ADAM10: variants seen among roughly 807,000 people sequenced by gnomAD.
ADAM10 encodes the protein ADAM metallopeptidase domain 10, also known as disintegrin and metalloproteinase domain-containing protein 10.
ADAM10 carries 17 observed loss-of-function variants against 90.1 expected under a neutral mutation model. The observed-to-expected ratio is 0.19, with a 90% confidence interval of 0.13 to 0.28. The LOEUF (loss-of-function observed/expected upper bound fraction) is 0.28. Ranked by LOEUF, ADAM10 falls within the 10% of genes least tolerant of loss-of-function variation. ADAM10 has a pLI of 1.00. For missense variants in ADAM10, 610 were observed against 914.3 expected (o/e 0.67, Z 4.29); for synonymous variants, 310 against 298.6 (o/e 1.04, Z -0.40).
At chr15:58,670,899 GA>G (rs1340767154) in intron 4 of ADAM10, among the ~76,000 whole-genome samples, 2 of 152,080 alleles carry the variant, frequency 1.3e-5, no homozygotes, top group Non-Finnish European at 2.9e-5. Context: ...ACTTTTAGAA[GA>G]GATAAGAGAT....
chr15:58,660,470 G>C (rs1477268723), intron 5 of ADAM10, among the ~76,000 whole-genome samples: 1 of 150,864 alleles, frequency 6.6e-6, no homozygotes, highest in Non-Finnish European at 1.5e-5. Context: ...AACGTGCTTA[G>C]TCCATTTATA....
intron 14 of ADAM10, among the ~76,000 whole-genome samples, chr15:58,605,073 G>A (rs1295712127): frequency 2.0e-5 from 3 of 152,184 alleles, no homozygotes; most frequent in East Asian, 1.9e-4. Context: ...ACGAGTACAC[G>A]CTATGGCAGT....
intron 2 of ADAM10, among the ~76,000 whole-genome samples, chr15:58,701,033 A>AAC (rs2140789910): frequency 6.6e-6 from 1 of 151,542 alleles, no homozygotes; most frequent in Admixed American, 6.6e-5. Flanking sequence ...AAAAAAAAAA[A>AAC]AACAGGGCAG....
At chr15:58,709,262 T>G (rs148067429) in intron 2 of ADAM10, among the ~76,000 whole-genome samples, 1 of 152,324 alleles carries the variant, frequency 6.6e-6, no homozygotes, top group African/African-American at 2.4e-5. Context: ...AGGTTGACTA[T>G]GAATCTAGAT....
chr15:58,681,769 G>C (rs113013901), intron 3 of ADAM10, among the ~76,000 whole-genome samples: 16 of 152,258 alleles, frequency 1.1e-4, no homozygotes, highest in African/African-American at 3.4e-4. Flanking sequence ...AGGAAGAAGG[G>C]CCTTGGGAGG....
chr15:58,597,025 C>T lies in ADAM10; in HGVS notation c.*522G>A. 5.8e-6 allele frequency: 1 copy of T among 173,366 alleles called. No individual in the cohort carries two copies. Among genetic ancestry groups the T allele is most frequent in the South Asian group, 1.3e-4 (1 of 7,646 alleles). The allele number at this position is 173,366 out of a possible 1,614,324, so 10.7% of individuals were successfully genotyped here. On this transcript the variant is annotated 3_prime_UTR_variant, in exon 16 of 16. Coordinates refer to ENST00000260408, the MANE Select transcript of ADAM10 (RefSeq NM_001110.4). ...GGAAAAATTTTATAATACAAAGAAA[C>T]ATCCATATTGCAATTTCTGTTTACA... is the stretch of plus-strand genomic sequence containing the variant.
chr15:58,632,155 T>C (rs144627538), intron 9 of ADAM10, among the ~76,000 whole-genome samples: 4 of 152,270 alleles, frequency 2.6e-5, no homozygotes, highest in Non-Finnish European at 5.9e-5. Flanking sequence ...AAAGACAGAG[T>C]ATCATTCAGT....
chr15:58,679,504 T>C (rs1201915172), intron 3 of ADAM10, among the ~76,000 whole-genome samples: 4 of 152,188 alleles, frequency 2.6e-5, no homozygotes, highest in African/African-American at 9.7e-5. Flanking sequence ...AGTTAAAATA[T>C]ATACAATTAC....
Position 58,589,175 on chromosome 15 carries a change from C to G in ADAM10, c.*8372G>C, listed in dbSNP as rs1213417475. The G allele has an allele frequency of 6.6e-6, 1 of 152,162 alleles. No individual in the cohort carries two copies. Among genetic ancestry groups the G allele is most frequent in the Non-Finnish European group, 1.5e-5 (1 of 68,036 alleles). 9.4% of individuals were successfully genotyped at this position (152,162 alleles called of 1,614,324 possible). A position where few individuals can be genotyped will look rare whatever the true frequency, so the allele number is the denominator to read the frequency against. On this transcript the variant is annotated 3_prime_UTR_variant, in exon 16 of 16. Transcript: ENST00000260408. ...ATGTTTATTGAACACCTACTATAGC[C>G]AAGCTCAAGGAAATGGAGATTAATA...
chr15:58,649,426 T>C (rs559815451), intron 5 of ADAM10, among the ~76,000 whole-genome samples: 51 of 152,290 alleles, frequency 3.3e-4, no homozygotes, highest in Admixed American at 9.2e-4. Context: ...AATTATCTAA[T>C]GTGTTCTTTA....
At chr15:58,642,331 A>G (rs1379224129) in intron 7 of ADAM10, among the ~76,000 whole-genome samples, 1 of 151,936 alleles carries the variant, frequency 6.6e-6, no homozygotes, top group Non-Finnish European at 1.5e-5. Flanking sequence ...CGGGCATGAC[A>G]GTGGACGCCT....
At chr15:58,684,400 T>A (rs746949794) in intron 2 of ADAM10, among the ~76,000 whole-genome samples, 7 of 152,168 alleles carry the variant, frequency 4.6e-5, no homozygotes, top group Non-Finnish European at 1.0e-4. Flanking sequence ...GACCTTGGAA[T>A]AGAGCTGGTC....
At position 58,633,182 on chromosome 15, in the gene ADAM10, T is replaced by C. The variant is rs1369703216; in HGVS notation, c.1176+14A>G. The stretch of plus-strand genomic sequence containing the variant: ...AATAAGTATTTTTTAAGCTAATAAT[T>C]AGACAATACTTACTGGGGATCCAAA... On this transcript the variant is annotated intron_variant, in intron 9 of 15. Transcript: ENST00000260408. 1.2e-6 allele frequency: 2 copies of C among 1,600,880 alleles called. No individual in the cohort carries two copies. The highest frequency in any genetic ancestry group is 2.2e-5 in the East Asian group (1 of 44,706).
At chr15:58,610,249 A>G in intron 14 of ADAM10, 48 bp downstream of exon 14, 1 of 1,535,416 alleles carries the variant, frequency 6.5e-7, no homozygotes, top group Non-Finnish European at 9.0e-7. Flanking sequence ...AAGTAAAATT[A>G]AGATCAAACC....
chr15:58,733,306 G>C (rs1297838232), intron 1 of ADAM10, among the ~76,000 whole-genome samples: 1 of 149,976 alleles, frequency 6.7e-6, no homozygotes, highest in Non-Finnish European at 1.5e-5. Flanking sequence ...AAAACCTGGT[G>C]GTTCTTCATC....
rs1772105501 is a variant in ADAM10 at position 58,693,025 on chromosome 15, C to A, written c.207-10711G>T. ...GTCCAACTTGGAAGGGTCTGTCAGGCTCTCATAGCGAATCTTGTCTAAGGC... is the reference window on the plus strand; with the variant it reads ...GTCCAACTTGGAAGGGTCTGTCAGGATCTCATAGCGAATCTTGTCTAAGGC... On this transcript the variant is annotated intron_variant, in intron 2 of 15. Coordinates refer to ENST00000260408, the MANE Select transcript of ADAM10 (RefSeq NM_001110.4). 5 of 774,640 alleles carry A rather than the reference C, an allele frequency of 6.5e-6. No individual in the cohort carries two copies. In the South Asian group the frequency reaches 6.7e-5, roughly 10 times the overall value. 48.0% of individuals were successfully genotyped at this position (774,640 alleles called of 1,614,324 possible).
chr15:58,710,022 C>T (rs1350339266), intron 2 of ADAM10, among the ~76,000 whole-genome samples: 3 of 152,124 alleles, frequency 2.0e-5, no homozygotes. Flanking sequence ...GTGGCTCACG[C>T]CTGTAATCCC....
chr15:58,669,357 A>G (rs1377394476), intron 4 of ADAM10, among the ~76,000 whole-genome samples: 1 of 152,220 alleles, frequency 6.6e-6, no homozygotes, highest in African/African-American at 2.4e-5. Context: ...ATCAATGACC[A>G]GTAAACCACT....
intron 11 of ADAM10, among the ~76,000 whole-genome samples, chr15:58,614,226 A>T (rs757456567): frequency 2.0e-5 from 3 of 152,150 alleles, no homozygotes; most frequent in Non-Finnish European, 4.4e-5. Context: ...CAGAGGTTGC[A>T]GTGAGCTCAA....
Sources: gnomAD v4.1 joint callset for allele counts (sites outside exome capture counted in the v4.1 genomes callset) on GRCh38, gnomAD v4.1.1 for gene constraint, MANE v1.5 for transcripts, NCBI Gene and HGNC (gene_info 2026-07-23, HGNC 2026-07-21) for gene names.